The following CCNF variants were observed in gnomAD, a reference collection of about 807,000 sequenced individuals.
CCNF encodes cyclin F, also known as cyclin-F.
Under a neutral mutation model 85.4 loss-of-function variants are expected in CCNF, and 30 were observed. That is an observed-to-expected ratio of 0.35 (90% CI 0.26 to 0.48). CCNF has a LOEUF of 0.48. CCNF is among the 20% of genes least tolerant of loss of function. The pLI is 0.99. For missense variants in CCNF, 919 were observed against 1,010.4 expected (o/e 0.91, Z 1.23); for synonymous variants, 439 against 425.1 (o/e 1.03, Z -0.40).
chr16:2,453,645 G>A lies in CCNF; in HGVS notation c.1715+108G>A. 3 of 1,432,052 alleles carry A rather than the reference G, an allele frequency of 2.1e-6. No homozygotes were observed. Among genetic ancestry groups the A allele is most frequent in the Non-Finnish European group, 2.9e-6 (3 of 1,040,146 alleles). 88.7% of individuals were successfully genotyped at this position (1,432,052 alleles called of 1,614,324 possible). A position where few individuals can be genotyped will look rare whatever the true frequency, so the allele number is the denominator to read the frequency against. On this transcript the variant is annotated intron_variant, in intron 15 of 16. Transcript: ENST00000397066. The surrounding 1 kb of genome is among the most constrained non-coding windows in gnomAD (Gnocchi z 5.6). The stretch of plus-strand genomic sequence containing the variant: ...GAGAGGCCCCCAAGGCTTGTCAGGG[G>A]AGCAGCAGATCCCAGGACAGTGACC...
chr16:2,455,151 G>T (rs1476984124), intron 15 of CCNF, among the ~76,000 whole-genome samples: 2 of 151,886 alleles, frequency 1.3e-5, no homozygotes, highest in Non-Finnish European at 2.9e-5. Flanking sequence ...CCACAGCTGA[G>T]CCGGGTGGGC....
chr16:2,453,671 C>G lies in CCNF; in HGVS notation c.1715+134C>G. 1 of 1,185,888 alleles carries G rather than the reference C, an allele frequency of 8.4e-7. No homozygotes were observed. Among genetic ancestry groups the G allele is most frequent in the Non-Finnish European group, 1.2e-6 (1 of 834,626 alleles). The allele number at this position is 1,185,888 out of a possible 1,614,324, so 73.5% of individuals were successfully genotyped here. On this transcript the variant is annotated intron_variant, in intron 15 of 16. Transcript: ENST00000397066. The surrounding 1 kb of genome is among the most constrained non-coding windows in gnomAD (Gnocchi z 5.6). ...AGCAGCAGATCCCAGGACAGTGACC[C>G]TGGGACGGAGCCCTGCAGTCATGCC...
At chr16:2,445,734 T>C in intron 10 of CCNF, 112 bp downstream of exon 10, 1 of 1,073,754 alleles carries the variant, frequency 9.3e-7, no homozygotes, top group South Asian at 1.7e-5. Flanking sequence ...GTGTTGTTTT[T>C]TTTTTTTTCC....
chr16:2,450,428 T>G (rs913541151), intron 13 of CCNF, among the ~76,000 whole-genome samples: 4 of 150,602 alleles, frequency 2.7e-5, no homozygotes, highest in African/African-American at 9.8e-5. Context: ...GGAGAATCAC[T>G]TGAACCCGGG....
At chr16:2,439,690 G>A in intron 7 of CCNF, 59 bp from the exon 8 acceptor site, 3 of 1,433,942 alleles carry the variant, frequency 2.1e-6, no homozygotes, top group Non-Finnish European at 2.0e-6. Flanking sequence ...TCTGGGTCTT[G>A]GTTCTGAGTT....
At position 2,452,939 on chromosome 16, in the gene CCNF, T is replaced by C; in HGVS notation, c.1488-271T>C. 1.9e-6 allele frequency: 1 copy of C among 516,572 alleles called. No homozygotes were observed. Among genetic ancestry groups the C allele is most frequent in the Non-Finnish European group, 3.5e-6 (1 of 286,044 alleles). The allele number at this position is 516,572 out of a possible 1,614,324, so 32.0% of individuals were successfully genotyped here. A position where few individuals can be genotyped will look rare whatever the true frequency, so the allele number is the denominator to read the frequency against. On this transcript the variant is annotated intron_variant, in intron 13 of 16. Coordinates refer to ENST00000397066, the MANE Select transcript of CCNF (RefSeq NM_001761.3). The surrounding 1 kb of genome is among the most constrained non-coding windows in gnomAD (Gnocchi z 4.1). ...CACATGTGTTTATCCATCCCGCAGC[T>C]GGTGGACATTTTGCCTATTGTGAAC... is the stretch of plus-strand genomic sequence containing the variant.
intron 4 of CCNF, 110 bp from the exon 5 acceptor site, chr16:2,437,019 T>A: frequency 1.1e-6 from 1 of 886,944 alleles, no homozygotes; most frequent in Non-Finnish European, 1.7e-6. Context: ...CACAGCTGCT[T>A]TGCACTATGG....
At position 2,458,575 on chromosome 16, in the gene CCNF, C is replaced by T. The variant is rs752685266; in HGVS notation, c.*1555C>T. ...CCCAAATGCTCTTGAACCGGAAACC[C>T]AGGGATGGGAGATGCTCACTGAGCT... On this transcript the variant is annotated 3_prime_UTR_variant, in exon 17 of 17. Transcript: ENST00000397066. The T allele has an allele frequency of 6.6e-6, 1 of 152,374 alleles. No individual in the cohort carries two copies. Among genetic ancestry groups the T allele is most frequent in the Non-Finnish European group, 1.5e-5 (1 of 68,192 alleles). The allele number at this position is 152,374 out of a possible 1,614,324, so 9.4% of individuals were successfully genotyped here. A position where few individuals can be genotyped will look rare whatever the true frequency, so the allele number is the denominator to read the frequency against.
intron 7 of CCNF, 126 bp downstream of exon 7, chr16:2,439,583 C>T: frequency 1.1e-6 from 1 of 896,800 alleles, no homozygotes; most frequent in Middle Eastern, 2.5e-4. Flanking sequence ...CTCTCAGCCT[C>T]CGGGAACCAC....
chr16:2,444,285 C>T (rs1028211860), intron 9 of CCNF, among the ~76,000 whole-genome samples: 1 of 149,866 alleles, frequency 6.7e-6, no homozygotes, highest in Non-Finnish European at 1.5e-5. Flanking sequence ...ATATCCTACT[C>T]TGCTTTCTTC....
chr16:2,453,599 C>A lies in CCNF; in HGVS notation c.1715+62C>A, dbSNP rs764857901. ...CTGGCATCCTCGTGCCGGCCCAGTT[C>A]CCTCAGCGCTTCCTCACACAGAGAG... On this transcript the variant is annotated intron_variant, in intron 15 of 16. Transcript: ENST00000397066. This position sits in a 1 kb window ranked among gnomAD's most constrained non-coding sequence, Gnocchi z 5.6. 27 of 1,601,108 alleles carry A rather than the reference C, an allele frequency of 1.7e-5. No homozygotes were observed. Among genetic ancestry groups the A allele is most frequent in the Non-Finnish European group, 2.3e-5 (27 of 1,172,586 alleles).
Position 2,453,466 on chromosome 16 carries a change from C to T in CCNF, c.1644C>T (p.Asp548=), listed in dbSNP as rs2065406418. 6.2e-7 allele frequency: 1 copy of T among 1,614,036 alleles called. No individual in the cohort carries two copies. Among genetic ancestry groups the T allele is most frequent in the Non-Finnish European group, 8.5e-7 (1 of 1,179,954 alleles). Residue 548 remains aspartate (D), a synonymous_variant, in exon 15 of 17, where the codon GAC becomes GAT. Transcript: ENST00000397066. This position sits in a 1 kb window ranked among gnomAD's most constrained non-coding sequence, Gnocchi z 5.6. ...TAGGAGTGACACAAGACAGCCCCGA[C>T]CCCCCGACTTTCCTCAGCACAGGGG... The part of the protein sequence containing the change: ...AALGVTQDSP[D]PPTFLSTGEI...
intron 8 of CCNF, among the ~76,000 whole-genome samples, chr16:2,440,806 A>G (rs1466868050): frequency 6.6e-6 from 1 of 151,430 alleles, no homozygotes; most frequent in Non-Finnish European, 1.5e-5. Context: ...ATTTACAAGA[A>G]GGCCAGACGT....
In CCNF at chr16:2,431,407, G is replaced by C. The variant is rs1052128100; in HGVS notation, c.171+123G>C. On this transcript the variant is annotated intron_variant, in intron 2 of 16. Coordinates refer to ENST00000397066, the MANE Select transcript of CCNF (RefSeq NM_001761.3). ...AGAGGTTGGGGCAGAGGCCAGGCAC[G>C]GTGGCTCATGCCTTAATCCTAGCAC... The C allele has an allele frequency of 1.2e-5, 12 of 1,005,730 alleles. No homozygotes were observed. In the Admixed American group the frequency reaches 1.7e-4, roughly 14 times the overall value. 62.3% of individuals were successfully genotyped at this position (1,005,730 alleles called of 1,614,324 possible).
In CCNF at chr16:2,445,448, C is replaced by T. The variant is rs2065356267; in HGVS notation, c.930-10C>T. On this transcript the variant is annotated splice_polypyrimidine_tract_variant and intron_variant, in intron 9 of 16. Coordinates refer to ENST00000397066, the MANE Select transcript of CCNF (RefSeq NM_001761.3). ...CCCCCACCAGTTCCCACGTGCTTCT[C>T]TTTCCGCAGGTACATTCTGATCGAC... 1 of 1,614,004 alleles carries T rather than the reference C, an allele frequency of 6.2e-7. No individual in the cohort carries two copies. Among genetic ancestry groups the T allele is most frequent in the Non-Finnish European group, 8.5e-7 (1 of 1,179,948 alleles).
At chr16:2,449,724 T>C in intron 12 of CCNF, 104 bp from the exon 13 acceptor site, 1 of 823,112 alleles carries the variant, frequency 1.2e-6, no homozygotes, top group Non-Finnish European at 2.1e-6. Context: ...CCCACAGAGC[T>C]ATAGAGCGGG....
intron 4 of CCNF, 157 bp downstream of exon 4, chr16:2,436,030 A>G: frequency 1.8e-6 from 1 of 543,866 alleles, no homozygotes; most frequent in Non-Finnish European, 3.3e-6. Context: ...GCCCAGATGT[A>G]CCCTGCTGAG....
intron 5 of CCNF, chr16:2,437,803 G>T (rs562641518): frequency 2.1e-6 from 1 of 472,260 alleles, no homozygotes; most frequent in South Asian, 2.6e-5. Context: ...GGAGGCTGCG[G>T]TGGGAGGATC....
At chr16:2,430,935 G>C in intron 1 of CCNF, 195 bp from the exon 2 acceptor site, 1 of 750,760 alleles carries the variant, frequency 1.3e-6, no homozygotes, top group Non-Finnish European at 2.4e-6. Flanking sequence ...GATCTCTTCT[G>C]TAATTTGTGC....
Sources: gnomAD v4.1 joint callset for allele counts (sites outside exome capture counted in the v4.1 genomes callset) on GRCh38, gnomAD v4.1.1 for gene constraint, Gnocchi (gnomAD v3.1) non-coding constraint, MANE v1.5 for transcripts, NCBI Gene and HGNC (gene_info 2026-07-23, HGNC 2026-07-21) for gene names.